EML5: variants seen among roughly 807,000 people sequenced by gnomAD.
EML5 encodes echinoderm microtubule-associated protein-like 5.
In EML5, 120 loss-of-function variants were observed where a neutral mutation model predicts 250.0. That is an observed-to-expected ratio of 0.48 (90% CI 0.41 to 0.56). The LOEUF is 0.56. Ranked by LOEUF, EML5 falls within the 20% of genes least tolerant of loss-of-function variation. The pLI is 0.00. For missense variants in EML5, 2,006 were observed against 2,437.6 expected, an observed-to-expected ratio of 0.82 and a Z score of 3.73; for synonymous variants, 771 against 806.5, an observed-to-expected ratio of 0.96 and a Z score of 0.75.
At chr14:88,642,800 C>T (rs941937928) in intron 31 of EML5, 93 bp downstream of exon 31, 1 of 1,200,036 alleles carries the variant, frequency 8.3e-7, no homozygotes, top group Non-Finnish European at 1.2e-6. Flanking sequence ...ATTTCAATTA[C>T]TATTTATAGC....
chr14:88,723,772 T>A lies in EML5; in HGVS notation c.1187+2769A>T, dbSNP rs1292223488. Among the ~76,000 whole-genome samples the A allele has an allele frequency of 2.0e-5, 3 of 152,288 alleles. No individual in the cohort carries two copies. The East Asian group carries it at 5.8e-4, about 29-fold the overall frequency. On this transcript the variant is annotated intron_variant, in intron 8 of 43. Coordinates refer to ENST00000554922, the MANE Select transcript of EML5 (RefSeq NM_183387.3). ...GAAGCTGGGGGGACACAAAAATAAA[T>A]TTTTAAAAAGGCAGACTGGTTACAA...
In EML5 at chr14:88,615,069, C is replaced by G. The variant is rs926511201; in HGVS notation, c.*749G>C. 1.3e-5 allele frequency: 2 copies of G among 152,178 alleles called. No homozygotes were observed. Among genetic ancestry groups the G allele is most frequent in the Non-Finnish European group, 2.9e-5 (2 of 68,010 alleles). The allele number at this position is 152,178 out of a possible 1,614,324, so 9.4% of individuals were successfully genotyped here. A position where few individuals can be genotyped will look rare whatever the true frequency, so the allele number is the denominator to read the frequency against. ...CCATTGGGAATGATTGTTCATCATACTACTTTTCCATTAGTGAGGCTACAG... is the reference window on the plus strand; with the variant it reads ...CCATTGGGAATGATTGTTCATCATAGTACTTTTCCATTAGTGAGGCTACAG... On this transcript the variant is annotated 3_prime_UTR_variant, in exon 44 of 44. Coordinates refer to ENST00000554922, the MANE Select transcript of EML5 (RefSeq NM_183387.3).
At chr14:88,627,399 G>A in intron 34 of EML5, 1 of 488,788 alleles carries the variant, frequency 2.0e-6, no homozygotes, top group Non-Finnish European at 3.6e-6. Context: ...CTTGCTGGAA[G>A]AAAATAGCAG....
At chr14:88,690,579 CAT>C (rs1489143817) in intron 17 of EML5, among the ~76,000 whole-genome samples, 7 of 152,140 alleles carry the variant, frequency 4.6e-5, no homozygotes, top group Non-Finnish European at 8.8e-5. Flanking sequence ...AGAAAGAGAA[CAT>C]AAACTGCAAA....
chr14:88,619,928 G>A (rs1421598864), intron 39 of EML5: 1 of 152,214 alleles, frequency 6.6e-6, no homozygotes, highest in Non-Finnish European at 1.5e-5. Flanking sequence ...GCCTCCCAAA[G>A]TGCTGGGATT....
At chr14:88,685,788 A>G (rs1356644649) in intron 19 of EML5, among the ~76,000 whole-genome samples, 1 of 152,190 alleles carries the variant, frequency 6.6e-6, no homozygotes, top group Non-Finnish European at 1.5e-5. Context: ...GCTTATATCT[A>G]GTAGAATGTA....
In EML5 at chr14:88,624,970, G is replaced by A. The variant is rs780919545; in HGVS notation, c.4898C>T (p.Pro1633Leu). 32 of 1,612,956 alleles carry A rather than the reference G, an allele frequency of 2.0e-5. No homozygotes were observed. Among genetic ancestry groups the A allele is most frequent in the Admixed American group, 5.0e-5 (3 of 59,834 alleles). The change falls in exon 36 of 44, where the codon CCG becomes CTG. Residue 1633 changes from proline to leucine, a missense_variant and splice_region_variant. This residue lies in a region of EML5 where 405 missense variants were observed against 523.3 expected (regional missense o/e 0.77). Transcript: ENST00000554922. ...GLIVTGGKER[P>L]SKEGGAVKLW... ...TTCTGTGAAAAGAAAGAGGACTCAC[G>A]GCCTTTCCTTTCCCCCAGTCACGAT...
At chr14:88,665,681 G>A (rs757804032) in intron 21 of EML5, among the ~76,000 whole-genome samples, 192 bp from the exon 22 acceptor site, 7 of 152,186 alleles carry the variant, frequency 4.6e-5, no homozygotes, top group Non-Finnish European at 1.0e-4. Flanking sequence ...CAGAGTAGGG[G>A]AAGGGGCAAG....
At chr14:88,734,293 A>G (rs886504358) in intron 7 of EML5, among the ~76,000 whole-genome samples, 1 of 152,212 alleles carries the variant, frequency 6.6e-6, no homozygotes, top group Non-Finnish European at 1.5e-5. Context: ...CTCTTTATAG[A>G]AATATTACAG....
At chr14:88,720,121 A>G (rs2093567100) in intron 8 of EML5, among the ~76,000 whole-genome samples, 2 of 152,172 alleles carry the variant, frequency 1.3e-5, no homozygotes, top group Non-Finnish European at 2.9e-5. Flanking sequence ...ACCAATAACA[A>G]GTTCTAAAAT....
intron 39 of EML5, chr14:88,619,059 C>G (rs895577037): frequency 4.3e-5 from 13 of 302,828 alleles, no homozygotes; most frequent in African/African-American, 2.8e-4. Context: ...TTAAAAACGT[C>G]TAATGGCTTA....
intron 3 of EML5, among the ~76,000 whole-genome samples, chr14:88,745,422 T>C (rs2093991195): frequency 1.3e-5 from 2 of 152,096 alleles, no homozygotes; most frequent in South Asian, 4.1e-4. Context: ...ATAAAAATAG[T>C]ATAATATTTA....
At chr14:88,627,453 T>C (rs1317569758) in intron 34 of EML5, 193 bp downstream of exon 34, 3 of 542,144 alleles carry the variant, frequency 5.5e-6, no homozygotes, top group Non-Finnish European at 9.5e-6. Context: ...AATTTATCTG[T>C]TTTGTGAGGT....
intron 1 of EML5, among the ~76,000 whole-genome samples, chr14:88,756,489 T>A (rs542632115): frequency 6.6e-6 from 1 of 152,118 alleles, no homozygotes; most frequent in African/African-American, 2.4e-5. Context: ...TTATTAGATA[T>A]TCTAGCCAAG....
intron 12 of EML5, 40 bp downstream of exon 12, chr14:88,705,442 T>G: frequency 7.0e-7 from 1 of 1,419,052 alleles, no homozygotes; most frequent in Non-Finnish European, 9.8e-7. Context: ...AAGAAGAAAT[T>G]AGACTTTTTA....
intron 33 of EML5, 36 bp downstream of exon 33, chr14:88,634,433 A>G: frequency 7.1e-7 from 1 of 1,416,126 alleles, no homozygotes; most frequent in Non-Finnish European, 9.5e-7. Flanking sequence ...TTACCAAACA[A>G]TATAAATAAA....
At chr14:88,702,928 T>C (rs1420165473) in intron 13 of EML5, among the ~76,000 whole-genome samples, 2 of 152,140 alleles carry the variant, frequency 1.3e-5, no homozygotes, top group Admixed American at 6.6e-5. Flanking sequence ...CTAATTTTTG[T>C]ATTTTTCATA....
chr14:88,618,091 A>G (rs1356513581), intron 41 of EML5, 137 bp downstream of exon 41: 3 of 591,280 alleles, frequency 5.1e-6, no homozygotes, highest in Non-Finnish European at 8.8e-6. Flanking sequence ...ACATGAACAT[A>G]CCATTTCAAA....
chr14:88,743,368 T>G (rs2093953693), intron 4 of EML5, among the ~76,000 whole-genome samples: 1 of 151,984 alleles, frequency 6.6e-6, no homozygotes, highest in Admixed American at 6.6e-5. Flanking sequence ...CATCACTATG[T>G]ACCCATGAAT....
Sources: gnomAD v4.1 joint callset for allele counts (sites outside exome capture counted in the v4.1 genomes callset) on GRCh38, gnomAD v4.1.1 for gene constraint, gnomAD v4.1.1 regional missense constraint, MANE v1.5 for transcripts, NCBI Gene and HGNC (gene_info 2026-07-23, HGNC 2026-07-21) for gene names.